RUNX2: variants seen among roughly 807,000 people sequenced by gnomAD.
The protein encoded by RUNX2 is runt-related transcription factor 2.
RUNX2 carries 10 observed loss-of-function variants against 51.7 expected under a neutral mutation model. That is an observed-to-expected ratio of 0.19 (90% CI 0.12 to 0.33). The LOEUF (loss-of-function observed/expected upper bound fraction) is 0.33. Among genes scored for constraint, RUNX2 ranks in the 10% least tolerant of loss-of-function variants. The pLI is 1.00. For missense variants in RUNX2, 562 were observed against 691.3 expected (o/e 0.81, Z 2.10); for synonymous variants, 276 against 273.6 (o/e 1.01, Z -0.09).
intron 5 of RUNX2, among the ~76,000 whole-genome samples, chr6:45,439,930 A>G (rs1293250780): frequency 6.6e-6 from 1 of 152,212 alleles, no homozygotes; most frequent in Non-Finnish European, 1.5e-5. Context: ...AAGGCAGAGA[A>G]TTGCCTTGTA....
At chr6:45,528,475 G>T (rs902247070) in intron 7 of RUNX2, among the ~76,000 whole-genome samples, 5 of 152,088 alleles carry the variant, frequency 3.3e-5, no homozygotes, top group Non-Finnish European at 7.4e-5. Context: ...ACAAAAATTA[G>T]TCGGGTGTGG....
rs536215745 is a variant in RUNX2 at position 45,410,819 on chromosome 6, G to A, written c.59-11774G>A. ...CTTTTCACCTGAAACAATTAGTTTGGCATATTGGACATGCTGACCTTGAAG... is the reference window on the plus strand; with the variant it reads ...CTTTTCACCTGAAACAATTAGTTTGACATATTGGACATGCTGACCTTGAAG... On this transcript the variant is annotated intron_variant, in intron 2 of 8. Transcript: ENST00000647337. Among the ~76,000 whole-genome samples, 4 of 152,296 alleles carry A rather than the reference G, an allele frequency of 2.6e-5. No individual in the cohort carries two copies. In the South Asian group the frequency reaches 8.3e-4, roughly 32 times the overall value.
chr6:45,436,846 A>G (rs1798698953), intron 4 of RUNX2, among the ~76,000 whole-genome samples: 1 of 152,238 alleles, frequency 6.6e-6, no homozygotes. Flanking sequence ...CAGTAAGGGA[A>G]AAAGAATCTC....
At chr6:45,447,627 C>T (rs916022508) in intron 5 of RUNX2, among the ~76,000 whole-genome samples, 1 of 152,138 alleles carries the variant, frequency 6.6e-6, no homozygotes, top group Non-Finnish European at 1.5e-5. Flanking sequence ...ATGTCGTTAT[C>T]TGATATTTTA....
intron 2 of RUNX2, among the ~76,000 whole-genome samples, chr6:45,356,260 T>C (rs1227064151): frequency 1.3e-5 from 2 of 152,118 alleles, no homozygotes; most frequent in Non-Finnish European, 2.9e-5. Flanking sequence ...AAAGATATAT[T>C]TGCAAAAGAT....
intron 5 of RUNX2, among the ~76,000 whole-genome samples, chr6:45,454,347 G>GA (rs948256157): frequency 1.6e-4 from 25 of 152,274 alleles, no homozygotes; most frequent in African/African-American, 5.8e-4. Flanking sequence ...AACTGAATTG[G>GA]AAAAAATCTG....
intron 2 of RUNX2, among the ~76,000 whole-genome samples, chr6:45,342,184 T>C (rs1367888623): frequency 1.3e-5 from 2 of 152,104 alleles, no homozygotes; most frequent in African/African-American, 4.8e-5. Context: ...GGGTTTTTAT[T>C]ATAAATAGAA....
At chr6:45,427,180 T>C (rs1037889407) in intron 3 of RUNX2, among the ~76,000 whole-genome samples, 10 of 152,166 alleles carry the variant, frequency 6.6e-5, no homozygotes, top group African/African-American at 2.4e-4. Context: ...AGGTGGAAAA[T>C]AAATACTTAT....
chr6:45,523,775 A>G (rs1582204633), intron 7 of RUNX2, among the ~76,000 whole-genome samples: 1 of 151,938 alleles, frequency 6.6e-6, no homozygotes, highest in East Asian at 2.0e-4. Flanking sequence ...TCTACTAAAA[A>G]TACAAAATTA....
At chr6:45,536,873 T>A (rs1356768451) in intron 7 of RUNX2, among the ~76,000 whole-genome samples, 1 of 152,190 alleles carries the variant, frequency 6.6e-6, no homozygotes, top group Non-Finnish European at 1.5e-5. Context: ...TCAGTTATGG[T>A]TTTTTTACAG....
chr6:45,533,135 G>GGTGTGTGT (rs56014189), intron 7 of RUNX2, among the ~76,000 whole-genome samples: 23 of 149,466 alleles, frequency 1.5e-4, no homozygotes, highest in African/African-American at 5.4e-4. Context: ...CCTCTGAAGG[G>GGTGTGTGT]GTGTGTGTGT....
chr6:45,452,052 G>A (rs1799188734), intron 5 of RUNX2, among the ~76,000 whole-genome samples: 1 of 152,220 alleles, frequency 6.6e-6, no homozygotes, highest in Non-Finnish European at 1.5e-5. Context: ...CAGAATAGGT[G>A]CATTATTAAT....
At chr6:45,444,729 G>T (rs1190311566) in intron 5 of RUNX2, among the ~76,000 whole-genome samples, 2 of 152,168 alleles carry the variant, frequency 1.3e-5, no homozygotes, top group Non-Finnish European at 2.9e-5. Context: ...TCCAATTGCA[G>T]AAGTTTTACC....
intron 2 of RUNX2, among the ~76,000 whole-genome samples, chr6:45,396,934 A>G (rs762793643): frequency 6.6e-6 from 1 of 152,092 alleles, no homozygotes; most frequent in Non-Finnish European, 1.5e-5. Flanking sequence ...GATCATTTCC[A>G]CTTTTTGGCT....
chr6:45,468,361 A>G (rs1300335564), intron 5 of RUNX2, among the ~76,000 whole-genome samples: 1 of 152,256 alleles, frequency 6.6e-6, no homozygotes, highest in Non-Finnish European at 1.5e-5. Flanking sequence ...ATATTTTAAT[A>G]TCTAAATACT....
intron 2 of RUNX2, among the ~76,000 whole-genome samples, chr6:45,390,798 T>C (rs1333907341): frequency 6.6e-6 from 1 of 152,112 alleles, no homozygotes; most frequent in African/African-American, 2.4e-5. Context: ...GGAGAGAAGC[T>C]GGATAACTGA....
At chr6:45,339,240 C>A (rs1789261015) in intron 2 of RUNX2, among the ~76,000 whole-genome samples, 1 of 152,014 alleles carries the variant, frequency 6.6e-6, no homozygotes, top group African/African-American at 2.4e-5. Flanking sequence ...ACAGTGGTAT[C>A]CAAATCTGGC....
In RUNX2 at chr6:45,350,993, G is replaced by A. The variant is rs559408294; in HGVS notation, c.58+22209G>A. ...TCCGACCCTATAGTGAACTGCACAC[G>A]CGAAGGATCTAAGTTCTGCGCTCCT... On this transcript the variant is annotated intron_variant, in intron 2 of 8. Coordinates refer to ENST00000647337, the MANE Select transcript of RUNX2 (RefSeq NM_001024630.4). Among the ~76,000 whole-genome samples, 16 of 152,158 alleles carry A rather than the reference G, an allele frequency of 1.1e-4. No homozygotes were observed. In the South Asian group the frequency reaches 3.3e-3, roughly 32 times the overall value.
chr6:45,378,334 G>A (rs1465316352), intron 2 of RUNX2, among the ~76,000 whole-genome samples: 1 of 152,218 alleles, frequency 6.6e-6, no homozygotes, highest in African/African-American at 2.4e-5. Context: ...TTTCAACTCC[G>A]AGGAAGAGAT....
Sources: allele counts gnomAD v4.1 joint callset (sites outside exome capture counted in the v4.1 genomes callset), GRCh38; gene constraint gnomAD v4.1.1; transcripts MANE v1.5; gene names NCBI Gene and HGNC (gene_info 2026-07-23, HGNC 2026-07-21).